Variants in POU3F3 observed in about 807,000 individuals in gnomAD.
POU3F3 encodes POU domain, class 3, transcription factor 3.
In POU3F3, 1 loss-of-function variant was observed where a neutral mutation model predicts 8.6. The observed-to-expected ratio is 0.12, with a 90% CI of 0.04 to 0.55. The LOEUF is 0.55. Ranked by LOEUF, POU3F3 falls within the 20% of genes least tolerant of loss-of-function variation. POU3F3 has a pLI of 0.91. For synonymous variants in POU3F3, 418 were observed against 327.4 expected, an observed-to-expected ratio of 1.28 and a Z score of -2.99; for missense variants, 577 against 690.7, an observed-to-expected ratio of 0.84 and a Z score of 1.84.
the POU3F3 span, among the ~76,000 whole-genome samples, chr2:104,905,164 G>A: frequency 2.5e-4 from 38 of 152,226 alleles, no homozygotes; most frequent in East Asian, 6.6e-3. Flanking sequence ...TCAATAACAC[G>A]ACCTTTCATC....
At chr2:104,872,222 C>G in the POU3F3 span, 11 of 456,402 alleles carry the variant, frequency 2.4e-5, no homozygotes, top group East Asian at 6.3e-4. This position sits in a 1 kb window ranked among gnomAD's most constrained non-coding sequence, Gnocchi z 4.6. Context: ...TCCTCCTGTC[C>G]GCTCCCCGGC....
chr2:104,863,604 G>A, the POU3F3 span, among the ~76,000 whole-genome samples: 1 of 152,064 alleles, frequency 6.6e-6, no homozygotes, highest in South Asian at 2.1e-4. Flanking sequence ...TGCTGCCCAG[G>A]GCCCTGGAGC....
the POU3F3 span, among the ~76,000 whole-genome samples, chr2:104,913,036 C>T: frequency 2.0e-5 from 3 of 152,166 alleles, no homozygotes; most frequent in African/African-American, 7.2e-5. Flanking sequence ...AAAAGAAAAA[C>T]ATGTAGTGGG....
At chr2:104,879,298 C>T in the POU3F3 span, among the ~76,000 whole-genome samples, 6 of 152,000 alleles carry the variant, frequency 3.9e-5, no homozygotes, top group Non-Finnish European at 2.9e-5. Flanking sequence ...AGTTCCTTCT[C>T]GGGGTGTCCG....
the POU3F3 span, among the ~76,000 whole-genome samples, chr2:104,903,667 G>A: frequency 1.5e-4 from 23 of 152,132 alleles, no homozygotes; most frequent in East Asian, 3.9e-4. Context: ...TGTGTCTGGC[G>A]CCTAAACGTT....
chr2:104,922,392 C>CAAAAAAAAAAAAA, the POU3F3 span, among the ~76,000 whole-genome samples: 4 of 71,012 alleles, frequency 5.6e-5, no homozygotes, highest in Admixed American at 1.6e-4. Context: ...TGAAGATGCT[C>CAAAAAAAAAAAAA]AAAAAAAAAA....
At chr2:104,868,902 T>A in the POU3F3 span, among the ~76,000 whole-genome samples, 1 of 152,220 alleles carries the variant, frequency 6.6e-6, no homozygotes, top group Non-Finnish European at 1.5e-5. Context: ...GTGTGTGTGG[T>A]TTCCAACTAT....
At chr2:104,859,443 A>G (rs1363536016), downstream of POU3F3, among the ~76,000 whole-genome samples, 1 of 152,208 alleles carries the variant, frequency 6.6e-6, no homozygotes, top group African/African-American at 2.4e-5. Flanking sequence ...TTGAGTCCCT[A>G]TATATTGTAC....
chr2:104,906,569 A>C, the POU3F3 span, among the ~76,000 whole-genome samples: 3 of 152,224 alleles, frequency 2.0e-5, no homozygotes, highest in Admixed American at 2.0e-4. Flanking sequence ...CATGTTAAAA[A>C]AGGAACTTCT....
At chr2:104,885,339 A>T in the POU3F3 span, among the ~76,000 whole-genome samples, 1 of 152,206 alleles carries the variant, frequency 6.6e-6, no homozygotes, top group Admixed American at 6.5e-5. Context: ...AGGCTGGGTA[A>T]AGTAAGGCTG....
the POU3F3 span, among the ~76,000 whole-genome samples, chr2:104,916,680 C>T: frequency 6.6e-6 from 1 of 152,158 alleles, no homozygotes; most frequent in East Asian, 1.9e-4. Context: ...CTCCCATATT[C>T]TAGCACAGCA....
chr2:104,877,814 C>T, the POU3F3 span, among the ~76,000 whole-genome samples: 3 of 151,982 alleles, frequency 2.0e-5, no homozygotes, highest in South Asian at 4.2e-4. Context: ...CACACCACCA[C>T]GCCCAGCTAA....
the POU3F3 span, among the ~76,000 whole-genome samples, chr2:104,869,020 T>A: frequency 1.3e-5 from 2 of 152,090 alleles, no homozygotes; most frequent in African/African-American, 2.4e-5. Flanking sequence ...AAGAAAGAAC[T>A]GAAAACAGGT....
the POU3F3 span, among the ~76,000 whole-genome samples, chr2:104,907,308 C>T: frequency 2.6e-5 from 4 of 152,238 alleles, no homozygotes; most frequent in African/African-American, 9.6e-5. Context: ...TTTCCTCACC[C>T]ATCTGTCCCT....
At chr2:104,917,910 T>C in the POU3F3 span, among the ~76,000 whole-genome samples, 14 of 152,150 alleles carry the variant, frequency 9.2e-5, no homozygotes, top group African/African-American at 3.4e-4. Context: ...AGATATATTA[T>C]CCTCTTCCTT....
At chr2:104,922,392 CAA>C in the POU3F3 span, among the ~76,000 whole-genome samples, 111 of 71,020 alleles carry the variant, frequency 1.6e-3, no homozygotes, top group African/African-American at 5.8e-3. Context: ...TGAAGATGCT[CAA>C]AAAAAAAAAA....
At chr2:104,889,775 G>A in the POU3F3 span, among the ~76,000 whole-genome samples, 1 of 152,230 alleles carries the variant, frequency 6.6e-6, no homozygotes, top group Non-Finnish European at 1.5e-5. Context: ...CCAGGCAAAC[G>A]CTTGTTAACT....
At chr2:104,908,843 G>C in the POU3F3 span, among the ~76,000 whole-genome samples, 1 of 152,180 alleles carries the variant, frequency 6.6e-6, no homozygotes, top group Non-Finnish European at 1.5e-5. Flanking sequence ...AGTAGATAAT[G>C]ATGCATAGTA....
At chr2:104,924,310 C>G in the POU3F3 span, among the ~76,000 whole-genome samples, 1 of 152,150 alleles carries the variant, frequency 6.6e-6, no homozygotes, top group Non-Finnish European at 1.5e-5. Flanking sequence ...AAGCTACTGA[C>G]CAATTCTAAC....
Sources: allele counts gnomAD v4.1 joint callset (sites outside exome capture counted in the v4.1 genomes callset), GRCh38; gene constraint gnomAD v4.1.1; non-coding constraint Gnocchi (gnomAD v3.1); transcripts MANE v1.5; gene names NCBI Gene and HGNC (gene_info 2026-07-23, HGNC 2026-07-21).